Variants in ZNF407 observed in about 807,000 individuals in gnomAD.
ZNF407 encodes the protein zinc finger protein 407.
In ZNF407, 17 loss-of-function variants were observed where a neutral mutation model predicts 131.2. That is an observed-to-expected ratio of 0.13 (90% CI 0.09 to 0.19). ZNF407 has a LOEUF of 0.19. Among genes scored for constraint, ZNF407 ranks in the 10% least tolerant of loss-of-function variants. The pLI is 1.00. For synonymous variants in ZNF407, 1,156 were observed against 1,062.0 expected, an observed-to-expected ratio of 1.09 and a Z score of -1.72; for missense variants, 2,681 against 2,830.6, an observed-to-expected ratio of 0.95 and a Z score of 1.20.
At chr18:74,959,772 G>A (rs79428287) in intron 8 of ZNF407, among the ~76,000 whole-genome samples, 1,652 of 152,274 alleles carry the variant, frequency 0.011, 32 homozygotes, top group African/African-American at 0.037. Context: ...GAAGTGAAAC[G>A]TATAAAGGTT....
rs989349644 is a variant in ZNF407, at chr18:74,707,467, T to A, written c.4802+66345T>A. Among the ~76,000 whole-genome samples the A allele has an allele frequency of 8.5e-5, 13 of 152,194 alleles. No homozygotes were observed. The South Asian group carries it at 2.5e-3, about 29-fold the overall frequency. ...GAATTTTTGATTATTTGCATTATGC[T>A]TCCTGGTTGAACATGGCAAATCTGA... On this transcript the variant is annotated intron_variant, in intron 3 of 8. Coordinates refer to ENST00000299687, the MANE Select transcript of ZNF407 (RefSeq NM_017757.3).
chr18:75,046,212 AAAT>A (rs1231682856), intron 8 of ZNF407, among the ~76,000 whole-genome samples: 10 of 152,224 alleles, frequency 6.6e-5, no homozygotes, highest in Admixed American at 5.2e-4. Flanking sequence ...TCATAACAGA[AAAT>A]TTAAAAATAC....
At chr18:74,681,957 A>G (rs1237059087) in intron 3 of ZNF407, among the ~76,000 whole-genome samples, 1 of 152,222 alleles carries the variant, frequency 6.6e-6, no homozygotes, top group Non-Finnish European at 1.5e-5. Context: ...GGCCTTTCTT[A>G]TGATAGAACC....
intron 3 of ZNF407, among the ~76,000 whole-genome samples, chr18:74,688,375 CAG>C (rs1213759425): frequency 6.6e-6 from 1 of 152,218 alleles, no homozygotes; most frequent in African/African-American, 2.4e-5. Context: ...AGGAGCCTAA[CAG>C]ATATCTATGG....
chr18:74,658,074 G>A (rs1202855260), intron 3 of ZNF407, among the ~76,000 whole-genome samples: 1 of 150,584 alleles, frequency 6.6e-6, no homozygotes, highest in Non-Finnish European at 1.5e-5. Context: ...TTCTCCAATT[G>A]AACATCACTA....
At chr18:74,802,120 A>G (rs928912081) in intron 4 of ZNF407, among the ~76,000 whole-genome samples, 1 of 152,206 alleles carries the variant, frequency 6.6e-6, no homozygotes, top group Non-Finnish European at 1.5e-5. Context: ...CCCTCAATGA[A>G]CATCTCTCAA....
At chr18:74,912,830 G>A (rs1367904746) in intron 7 of ZNF407, among the ~76,000 whole-genome samples, 1 of 152,088 alleles carries the variant, frequency 6.6e-6, no homozygotes, top group Non-Finnish European at 1.5e-5. Context: ...GTCCTAAAGA[G>A]CCAGTCTCCT....
intron 3 of ZNF407, among the ~76,000 whole-genome samples, chr18:74,655,251 T>G (rs1202603355): frequency 6.6e-6 from 1 of 152,070 alleles, no homozygotes; most frequent in Non-Finnish European, 1.5e-5. Context: ...TTGTGTTGGC[T>G]AAGTTTCATG....
intron 4 of ZNF407, among the ~76,000 whole-genome samples, chr18:74,795,249 A>T (rs1438636942): frequency 6.6e-6 from 1 of 152,220 alleles, no homozygotes; most frequent in Non-Finnish European, 1.5e-5. Flanking sequence ...GCCGTTGGCA[A>T]AATAAACTTG....
rs189363430 is a variant in ZNF407 at position 74,703,812 on chromosome 18, A to G, written c.4802+62690A>G. Among the ~76,000 whole-genome samples the G allele has an allele frequency of 2.3e-3, 351 of 152,260 alleles. No homozygotes were observed. Among genetic ancestry groups the G allele is most frequent in the South Asian group, 3.7e-3 (18 of 4,824 alleles). ...AGAAATCCCCAGACTCTTTCTAAAT[A>G]TACAGTTTTGTTGATTAATTAATCA... On this transcript the variant is annotated intron_variant, in intron 3 of 8. Coordinates refer to ENST00000299687, the MANE Select transcript of ZNF407 (RefSeq NM_017757.3). The surrounding 1 kb of genome is among the most constrained non-coding windows in gnomAD (Gnocchi z 4.1).
chr18:74,863,529 T>A (rs1970967526), intron 4 of ZNF407, among the ~76,000 whole-genome samples: 1 of 152,096 alleles, frequency 6.6e-6, no homozygotes, highest in African/African-American at 2.4e-5. Context: ...TGTTTTGTCC[T>A]TATCTTTTGG....
intron 8 of ZNF407, among the ~76,000 whole-genome samples, chr18:75,010,291 G>A (rs555103561): frequency 7.9e-5 from 12 of 152,294 alleles, no homozygotes; most frequent in Admixed American, 1.3e-4. Context: ...AGAGCTCTCT[G>A]TGACTGGCCA....
intron 1 of ZNF407, among the ~76,000 whole-genome samples, chr18:74,602,597 T>C (rs949072360): frequency 1.3e-5 from 2 of 152,112 alleles, no homozygotes; most frequent in Non-Finnish European, 2.9e-5. Context: ...CCCAAATCTT[T>C]TGAGGTATAT....
intron 8 of ZNF407, among the ~76,000 whole-genome samples, chr18:74,941,572 G>A (rs1972099832): frequency 6.6e-6 from 1 of 152,168 alleles, no homozygotes; most frequent in African/African-American, 2.4e-5. Flanking sequence ...TTTGAATATA[G>A]CATTTCAAGT....
At chr18:75,018,248 A>G (rs1281674259) in intron 8 of ZNF407, among the ~76,000 whole-genome samples, 1 of 152,088 alleles carries the variant, frequency 6.6e-6, no homozygotes, top group African/African-American at 2.4e-5. Context: ...TCAAAATATA[A>G]TAAAAATTTA....
chr18:74,903,436 A>G (rs1295735133), intron 7 of ZNF407, among the ~76,000 whole-genome samples: 1 of 152,136 alleles, frequency 6.6e-6, no homozygotes, highest in Non-Finnish European at 1.5e-5. Flanking sequence ...CTTTTTGGGA[A>G]TATATTTCTG....
chr18:74,679,536 A>G (rs1308838196), intron 3 of ZNF407, among the ~76,000 whole-genome samples: 1 of 152,254 alleles, frequency 6.6e-6, no homozygotes, highest in African/African-American at 2.4e-5. Context: ...AAGGTTTCTC[A>G]GAGACCACTG....
intron 3 of ZNF407, among the ~76,000 whole-genome samples, chr18:74,706,034 A>G (rs1967616445): frequency 6.6e-6 from 1 of 152,132 alleles, no homozygotes; most frequent in South Asian, 2.1e-4. Context: ...TTCCTTCTCC[A>G]CTGTCTCTTC....
intron 4 of ZNF407, among the ~76,000 whole-genome samples, chr18:74,796,754 A>G (rs1247730100): frequency 6.6e-6 from 1 of 152,084 alleles, no homozygotes; most frequent in Non-Finnish European, 1.5e-5. Flanking sequence ...TCTGGGTTTG[A>G]ACGTAATTCT....
Sources: gnomAD v4.1 joint callset for allele counts (sites outside exome capture counted in the v4.1 genomes callset) on GRCh38, gnomAD v4.1.1 for gene constraint, Gnocchi (gnomAD v3.1) non-coding constraint, MANE v1.5 for transcripts, NCBI Gene and HGNC (gene_info 2026-07-23, HGNC 2026-07-21) for gene names.